Variants in KIRREL3 observed in about 807,000 individuals in gnomAD.
The protein encoded by KIRREL3 is kirre like nephrin family adhesion molecule 3.
Under a neutral mutation model 89.7 loss-of-function variants are expected in KIRREL3, and 36 were observed. That is an observed-to-expected ratio of 0.40 (90% confidence interval 0.31 to 0.53). The LOEUF (loss-of-function observed/expected upper bound fraction) is 0.53, where lower values mean the gene tolerates loss of function less well. KIRREL3 is among the 20% of genes least tolerant of loss of function. The pLI is 0.49. For synonymous variants in KIRREL3, 445 were observed against 441.4 expected (o/e 1.01, Z -0.10); for missense variants, 864 against 1,056.6 (o/e 0.82, Z 2.53).
At chr11:126,863,740 A>G (rs1178292698) in intron 1 of KIRREL3, among the ~76,000 whole-genome samples, 1 of 152,074 alleles carries the variant, frequency 6.6e-6, no homozygotes, top group Non-Finnish European at 1.5e-5. Context: ...GAGGAATGGA[A>G]TCAGTGAAGC....
At position 126,837,511 on chromosome 11, in the gene KIRREL3, A is replaced by G. The variant is rs1943820874; in HGVS notation, c.55+162944T>C. ...TTACTTCCACAATAATTACGAGGGA[A>G]TCGGATCTTGTCTAGGACACAGGTC... On this transcript the variant is annotated intron_variant, in intron 1 of 16. Coordinates refer to ENST00000525144, the MANE Select transcript of KIRREL3 (RefSeq NM_032531.4). This position sits in a 1 kb window ranked among gnomAD's most constrained non-coding sequence, Gnocchi z 4.7. Among the ~76,000 whole-genome samples the G allele has an allele frequency of 6.6e-6, 1 of 152,176 alleles. No individual in the cohort carries two copies.
Position 126,684,008 on chromosome 11 carries a change from G to A in KIRREL3, c.56-121096C>T, listed in dbSNP as rs1417215311. On this transcript the variant is annotated intron_variant, in intron 1 of 16. Coordinates refer to ENST00000525144, the MANE Select transcript of KIRREL3 (RefSeq NM_032531.4). This position sits in a 1 kb window ranked among gnomAD's most constrained non-coding sequence, Gnocchi z 4.2. Reference sequence around the variant, plus strand: ...CCCAGGGTTTGGCTCCGGGTTTTTGGGCAGCTCCGCCTTCATACCGAAGGC... The same window carrying A: ...CCCAGGGTTTGGCTCCGGGTTTTTGAGCAGCTCCGCCTTCATACCGAAGGC... Among the ~76,000 whole-genome samples the A allele has an allele frequency of 6.6e-6, 1 of 152,200 alleles. No individual in the cohort carries two copies. The highest frequency in any genetic ancestry group is 1.5e-5 in the Non-Finnish European group (1 of 68,042).
chr11:126,447,517 C>T (rs575157964), intron 8 of KIRREL3, among the ~76,000 whole-genome samples: 7 of 152,346 alleles, frequency 4.6e-5, no homozygotes, highest in East Asian at 1.9e-4. Flanking sequence ...CTATTACAGC[C>T]GTTCCAGCCT....
At chr11:126,618,474 A>G (rs1943445512) in intron 1 of KIRREL3, among the ~76,000 whole-genome samples, 1 of 151,984 alleles carries the variant, frequency 6.6e-6, no homozygotes, top group African/African-American at 2.4e-5. Context: ...GTCATCTGTC[A>G]CCCAGGTTGG....
In KIRREL3 at chr11:126,515,433, G is replaced by A. The variant is rs1409988664; in HGVS notation, c.433+5882C>T. The stretch of plus-strand genomic sequence containing the variant: ...CCACTGCACTTCAGTCTGGATGACA[G>A]AGCAAGACCCTGACTCAAAAAAAAG... On this transcript the variant is annotated intron_variant, in intron 4 of 16. Coordinates refer to ENST00000525144, the MANE Select transcript of KIRREL3 (RefSeq NM_032531.4). This position sits in a 1 kb window ranked among gnomAD's most constrained non-coding sequence, Gnocchi z 4.2. Among the ~76,000 whole-genome samples the A allele has an allele frequency of 6.6e-6, 1 of 152,178 alleles. No homozygotes were observed. Among genetic ancestry groups the A allele is most frequent in the Non-Finnish European group, 1.5e-5 (1 of 68,024 alleles).
chr11:126,734,293 G>T lies in KIRREL3; in HGVS notation c.56-171381C>A, dbSNP rs1159312910. ...TTCTTGGGGTCATTTATAAATAAGTGCTATACTTTAAATACTGTGTTCATG... is the reference window on the plus strand; with the variant it reads ...TTCTTGGGGTCATTTATAAATAAGTTCTATACTTTAAATACTGTGTTCATG... On this transcript the variant is annotated intron_variant, in intron 1 of 16. Coordinates refer to ENST00000525144, the MANE Select transcript of KIRREL3 (RefSeq NM_032531.4). This position sits in a 1 kb window ranked among gnomAD's most constrained non-coding sequence, Gnocchi z 5.9. 6.6e-6 allele frequency among the ~76,000 whole-genome samples: 1 copy of T among 152,108 alleles called. No individual in the cohort carries two copies. The highest frequency in any genetic ancestry group is 1.5e-5 in the Non-Finnish European group (1 of 68,024).
chr11:126,957,728 C>T (rs1361050477), intron 1 of KIRREL3, among the ~76,000 whole-genome samples: 1 of 152,178 alleles, frequency 6.6e-6, no homozygotes, highest in African/African-American at 2.4e-5. Context: ...CAGGAGAGAG[C>T]TCTAAGGTCA....
chr11:126,439,578 A>G (rs1210901313), intron 11 of KIRREL3, among the ~76,000 whole-genome samples: 1 of 149,858 alleles, frequency 6.7e-6, no homozygotes, highest in Non-Finnish European at 1.5e-5. Flanking sequence ...GCACTTTGGG[A>G]GGCTGGGGTA....
In KIRREL3 at chr11:126,492,766, GA is replaced by G. The variant is rs1180922439; in HGVS notation, c.434-19301del. 6.6e-6 allele frequency among the ~76,000 whole-genome samples: 1 copy of G among 152,186 alleles called. No individual in the cohort carries two copies. Among genetic ancestry groups the G allele is most frequent in the Non-Finnish European group, 1.5e-5 (1 of 68,032 alleles). The stretch of plus-strand genomic sequence containing the variant: ...GGGGCTCTGAGCTGGACCGTGCAGG[GA>G]GGACTGGCTTCTTACCTGCCCCGAG... On this transcript the variant is annotated intron_variant, in intron 4 of 16. Transcript: ENST00000525144. The surrounding 1 kb of genome is among the most constrained non-coding windows in gnomAD (Gnocchi z 4.8).
At chr11:126,707,396 T>C (rs1245829360) in intron 1 of KIRREL3, among the ~76,000 whole-genome samples, 1 of 152,176 alleles carries the variant, frequency 6.6e-6, no homozygotes, top group Non-Finnish European at 1.5e-5. Context: ...TCCTGTCTAA[T>C]TTTTTCTCCA....
Position 126,609,154 on chromosome 11 carries a change from G to C in KIRREL3, c.56-46242C>G, listed in dbSNP as rs907525730. On this transcript the variant is annotated intron_variant, in intron 1 of 16. Transcript: ENST00000525144. This position sits in a 1 kb window ranked among gnomAD's most constrained non-coding sequence, Gnocchi z 5.0. ...ACCTGACCACCGCCCAGCCCAGGTT[G>C]GGTTTGTTTTCCCCGCTCTGAGACC... 6.6e-6 allele frequency among the ~76,000 whole-genome samples: 1 copy of C among 152,204 alleles called. No homozygotes were observed. The highest frequency in any genetic ancestry group is 1.5e-5 in the Non-Finnish European group (1 of 68,032).
intron 12 of KIRREL3, 32 bp downstream of exon 12, chr11:126,436,779 C>G: frequency 6.2e-7 from 1 of 1,611,848 alleles, no homozygotes; most frequent in Non-Finnish European, 8.5e-7. Flanking sequence ...TTCCATCGTT[C>G]GTTGTTCCCT....
Position 126,516,180 on chromosome 11 carries a change from C to T in KIRREL3, c.433+5135G>A, listed in dbSNP as rs1958402457. On this transcript the variant is annotated intron_variant, in intron 4 of 16. Coordinates refer to ENST00000525144, the MANE Select transcript of KIRREL3 (RefSeq NM_032531.4). The surrounding 1 kb of genome is among the most constrained non-coding windows in gnomAD (Gnocchi z 4.9). ...GGGCTTGACATCATTTAAAAAGATG[C>T]CCTCTTTATTTGAATTGACTTAGTC... Among the ~76,000 whole-genome samples, 1 of 152,158 alleles carries T rather than the reference C, an allele frequency of 6.6e-6. No individual in the cohort carries two copies. Among genetic ancestry groups the T allele is most frequent in the Non-Finnish European group, 1.5e-5 (1 of 68,040 alleles).
At chr11:126,613,175 C>T (rs1331820503) in intron 1 of KIRREL3, among the ~76,000 whole-genome samples, 1 of 152,082 alleles carries the variant, frequency 6.6e-6, no homozygotes, top group East Asian at 1.9e-4. Context: ...TATTAAAAAC[C>T]ATGGAATCTC....
chr11:126,749,502 C>A lies in KIRREL3; in HGVS notation c.56-186590G>T, dbSNP rs567998416. 2.4e-4 allele frequency among the ~76,000 whole-genome samples: 37 copies of A among 152,264 alleles called. No individual in the cohort carries two copies. The East Asian group carries it at 5.2e-3, about 21-fold the overall frequency. ...TCTGCTGAGAACCAGAAAGATCGTG[C>A]AAGGGGAGAGGAGGTTAACAGATGG... On this transcript the variant is annotated intron_variant, in intron 1 of 16. Coordinates refer to ENST00000525144, the MANE Select transcript of KIRREL3 (RefSeq NM_032531.4).
rs1009606097 is a variant in KIRREL3, at chr11:126,715,986, A to G, written c.56-153074T>C. On this transcript the variant is annotated intron_variant, in intron 1 of 16. Coordinates refer to ENST00000525144, the MANE Select transcript of KIRREL3 (RefSeq NM_032531.4). The surrounding 1 kb of genome is among the most constrained non-coding windows in gnomAD (Gnocchi z 4.4). ...CTCCATACACCCAATGTTAGTTCTT[A>G]GGCATGAGGTTGGGCAGGAGAAGGG... is the stretch of plus-strand genomic sequence containing the variant. Among the ~76,000 whole-genome samples, 2 of 152,106 alleles carry G rather than the reference A, an allele frequency of 1.3e-5. No homozygotes were observed. The highest frequency in any genetic ancestry group is 4.8e-5 in the African/African-American group (2 of 41,418).
At chr11:126,712,189 A>G (rs1947784901) in intron 1 of KIRREL3, among the ~76,000 whole-genome samples, 1 of 151,478 alleles carries the variant, frequency 6.6e-6, no homozygotes, top group Non-Finnish European at 1.5e-5. Flanking sequence ...TTGAATGTGA[A>G]TTATCTGCAA....
At chr11:126,899,262 C>T (rs1209565900) in intron 1 of KIRREL3, among the ~76,000 whole-genome samples, 1 of 152,124 alleles carries the variant, frequency 6.6e-6, no homozygotes, top group East Asian at 1.9e-4. Context: ...AAACAGGAGC[C>T]TGCCTGAATG....
At chr11:126,821,382 G>C (rs1160774191) in intron 1 of KIRREL3, among the ~76,000 whole-genome samples, 1 of 118,670 alleles carries the variant, frequency 8.4e-6, no homozygotes, top group Non-Finnish European at 1.7e-5. Context: ...CCTTCCTTTG[G>C]AAAGGGCTTA....
Sources: allele counts gnomAD v4.1 joint callset (sites outside exome capture counted in the v4.1 genomes callset), GRCh38; gene constraint gnomAD v4.1.1; non-coding constraint Gnocchi (gnomAD v3.1); transcripts MANE v1.5; gene names NCBI Gene and HGNC (gene_info 2026-07-23, HGNC 2026-07-21).